Variants in SOX5 observed in about 807,000 individuals in gnomAD.
SOX5 encodes the protein transcription factor SOX-5.
Under a neutral mutation model 92.0 loss-of-function variants are expected in SOX5, and 9 were observed. The ratio of observed to expected loss-of-function variants is 0.10; its 90% CI spans 0.06 to 0.17. The LOEUF is 0.17. SOX5 is among the 10% of genes least tolerant of loss of function. The pLI is 1.00. For missense variants in SOX5, 642 were observed against 944.5 expected (o/e 0.68, Z 4.20); for synonymous variants, 344 against 336.3 (o/e 1.02, Z -0.25).
chr12:23,714,979 T>G (rs1382479799), intron 6 of SOX5, among the ~76,000 whole-genome samples: 1 of 152,068 alleles, frequency 6.6e-6, no homozygotes, highest in Non-Finnish European at 1.5e-5. Flanking sequence ...GATAGTGAAA[T>G]TGCATGGTAT....
rs150588632 is a variant in SOX5, at chr12:24,508,851, T to TA, written c.-251+53477dup. Among the ~76,000 whole-genome samples the TA allele has an allele frequency of 4.5e-3, 687 of 152,066 alleles. 23 individuals are homozygous for TA. The East Asian group carries it at 0.066, about 15-fold the overall frequency. ...GAGGTCCCCTGAAGGAAATAAATAA[T>TA]AAAGCTCAGACTAAAAGGAGAACAG... On this transcript the variant is annotated intron_variant, in intron 1 of 4. Transcript: ENST00000446891.
chr12:24,536,955 C>T (rs1312642817), intron 1 of SOX5, among the ~76,000 whole-genome samples: 1 of 152,156 alleles, frequency 6.6e-6, no homozygotes, highest in Non-Finnish European at 1.5e-5. Flanking sequence ...GTAGAAGAGA[C>T]AGTCATCATG....
rs146813063 is a variant in SOX5 at position 23,565,671 on chromosome 12, G to A, written c.1343-2268C>T. Among the ~76,000 whole-genome samples, 22 of 152,318 alleles carry A rather than the reference G, an allele frequency of 1.4e-4. No individual in the cohort carries two copies. The East Asian group carries it at 3.3e-3, about 23-fold the overall frequency. Reference sequence around the variant, plus strand: ...GTAATGGTTATTTCCAATTTGAGATGTGTGTTTCTGTGCAGGTAGAAATAA... The same window carrying A: ...GTAATGGTTATTTCCAATTTGAGATATGTGTTTCTGTGCAGGTAGAAATAA... On this transcript the variant is annotated intron_variant, in intron 10 of 14. Coordinates refer to ENST00000451604, the MANE Select transcript of SOX5 (RefSeq NM_006940.6).
intron 1 of SOX5, among the ~76,000 whole-genome samples, chr12:24,399,474 G>C (rs184247523): frequency 6.6e-6 from 1 of 152,244 alleles, no homozygotes; most frequent in East Asian, 1.9e-4. Context: ...AAATATAAAA[G>C]AAAGAGTATT....
chr12:23,715,674 T>C (rs1428279524), intron 6 of SOX5, among the ~76,000 whole-genome samples: 3 of 152,114 alleles, frequency 2.0e-5, no homozygotes, highest in Non-Finnish European at 1.5e-5. Flanking sequence ...AGACGCCAGT[T>C]GTGGCGAAGC....
chr12:24,014,552 C>T (rs1481858866), intron 4 of SOX5, among the ~76,000 whole-genome samples: 1 of 152,140 alleles, frequency 6.6e-6, no homozygotes, highest in Non-Finnish European at 1.5e-5. Context: ...TGATGTACAA[C>T]AAATGCAACT....
At chr12:24,352,049 T>C (rs1001539302) in intron 2 of SOX5, among the ~76,000 whole-genome samples, 4 of 152,216 alleles carry the variant, frequency 2.6e-5, no homozygotes, top group African/African-American at 9.7e-5. Context: ...GGTTTAAGTA[T>C]CTTGAAAGCA....
chr12:24,521,146 C>T (rs1266267407), intron 1 of SOX5, among the ~76,000 whole-genome samples: 1 of 152,170 alleles, frequency 6.6e-6, no homozygotes, highest in Non-Finnish European at 1.5e-5. Context: ...CCTCCGCCTC[C>T]CGGGTACAAG....
intron 9 of SOX5, 113 bp from the exon 10 acceptor site, chr12:23,575,951 G>T: frequency 2.7e-6 from 2 of 733,174 alleles, no homozygotes; most frequent in Non-Finnish European, 4.4e-6. Context: ...ACCAATCAGT[G>T]ATCTTAACAT....
At chr12:24,534,101 A>AG (rs1199163298) in intron 1 of SOX5, among the ~76,000 whole-genome samples, 2 of 152,216 alleles carry the variant, frequency 1.3e-5, no homozygotes, top group Non-Finnish European at 2.9e-5. Flanking sequence ...TTCTAGGTAA[A>AG]GGTTTTGAAA....
In SOX5 at chr12:23,892,883, G is replaced by A. The variant is rs186805935; in HGVS notation, c.270+2910C>T. 2.9e-3 allele frequency among the ~76,000 whole-genome samples: 442 copies of A among 152,184 alleles called. 3 individuals are homozygous for A. The highest frequency in any genetic ancestry group is 1.0e-2 in the African/African-American group (414 of 41,528). ...TGACATATAGAAAAATTCTCAATTCGTTTTTAGGAGAACTATAGACCCCAG... is the reference window on the plus strand; with the variant it reads ...TGACATATAGAAAAATTCTCAATTCATTTTTAGGAGAACTATAGACCCCAG... On this transcript the variant is annotated intron_variant, in intron 2 of 14. Transcript: ENST00000451604.
At chr12:24,258,911 C>T (rs1941661857) in intron 3 of SOX5, among the ~76,000 whole-genome samples, 1 of 152,164 alleles carries the variant, frequency 6.6e-6, no homozygotes, top group Admixed American at 6.5e-5. Flanking sequence ...TGTCCAGGAT[C>T]GCACAGTTAG....
At chr12:24,235,711 A>T (rs917293111) in intron 3 of SOX5, among the ~76,000 whole-genome samples, 4 of 152,222 alleles carry the variant, frequency 2.6e-5, no homozygotes, top group Non-Finnish European at 5.9e-5. Context: ...TATGTTAATG[A>T]TACTTAAGTC....
At chr12:23,709,850 G>T (rs1322802915) in intron 6 of SOX5, among the ~76,000 whole-genome samples, 1 of 152,134 alleles carries the variant, frequency 6.6e-6, no homozygotes, top group African/African-American at 2.4e-5. Context: ...GTTGACATAT[G>T]AAACTGGATG....
intron 3 of SOX5, among the ~76,000 whole-genome samples, chr12:23,809,684 C>CT (rs1383505825): frequency 1.4e-5 from 2 of 147,838 alleles, no homozygotes; most frequent in Admixed American, 6.7e-5. Context: ...TAGTTTTTCC[C>CT]TTTTTTAATG....
At chr12:23,890,390 CTAAGA>C (rs1209750316) in intron 2 of SOX5, among the ~76,000 whole-genome samples, 1 of 151,710 alleles carries the variant, frequency 6.6e-6, no homozygotes, top group Non-Finnish European at 1.5e-5. Context: ...GAGAATTTGG[CTAAGA>C]TAAAATATGC....
At chr12:24,144,037 C>A (rs1305446145) in intron 4 of SOX5, among the ~76,000 whole-genome samples, 2 of 151,210 alleles carry the variant, frequency 1.3e-5, no homozygotes, top group Admixed American at 6.6e-5. Flanking sequence ...ACCTCAAAAT[C>A]AAATTGTACA....
intron 3 of SOX5, among the ~76,000 whole-genome samples, chr12:23,816,694 G>A (rs73263717): frequency 9.9e-4 from 150 of 152,274 alleles, no homozygotes; most frequent in African/African-American, 3.5e-3. Context: ...ACTGAGCATT[G>A]TTAGAGCAAA....
intron 5 of SOX5, among the ~76,000 whole-genome samples, chr12:23,736,971 G>A (rs1243953336): frequency 6.6e-6 from 1 of 151,704 alleles, no homozygotes; most frequent in African/African-American, 2.4e-5. Context: ...GGGATTACAG[G>A]CGTGAGCCAC....
Sources: allele counts gnomAD v4.1 joint callset (sites outside exome capture counted in the v4.1 genomes callset), GRCh38; gene constraint gnomAD v4.1.1; transcripts MANE v1.5; gene names NCBI Gene and HGNC (gene_info 2026-07-23, HGNC 2026-07-21).